The following STPG2 variants were observed in gnomAD, a reference collection of about 807,000 sequenced individuals.
STPG2 encodes the protein sperm tail PG-rich repeat containing 2.
Under a neutral mutation model 54.2 loss-of-function variants are expected in STPG2, and 56 were observed. The ratio of observed to expected loss-of-function variants is 1.03; its 90% CI spans 0.83 to 1.29. STPG2 has a LOEUF of 1.29. STPG2 is among the 50% of genes most tolerant of loss of function. The pLI is 0.00. For missense variants in STPG2, 596 were observed against 544.9 expected (o/e 1.09, Z -0.93); for synonymous variants, 200 against 181.8 (o/e 1.10, Z -0.81).
chr4:98,087,560 C>CTTTT (rs70955916), intron 5 of STPG2, among the ~76,000 whole-genome samples: 4 of 132,284 alleles, frequency 3.0e-5, no homozygotes, highest in African/African-American at 8.8e-5. Context: ...CTCTTTTTTT[C>CTTTT]TTTTTTTTTT....
At chr4:97,905,989 C>T (rs1451011192) in intron 8 of STPG2, among the ~76,000 whole-genome samples, 14 of 151,980 alleles carry the variant, frequency 9.2e-5, no homozygotes, top group South Asian at 2.1e-4. Context: ...ATTCAAAAGC[C>T]AGCAGAAGGC....
At chr4:97,706,853 G>A (rs1347826388) in intron 10 of STPG2, among the ~76,000 whole-genome samples, 2 of 152,078 alleles carry the variant, frequency 1.3e-5, no homozygotes, top group African/African-American at 2.4e-5. Context: ...AAATGGAAAC[G>A]ATGAATGTAT....
intron 5 of STPG2, among the ~76,000 whole-genome samples, chr4:97,995,971 G>A (rs965982297): frequency 1.3e-5 from 2 of 152,158 alleles, no homozygotes; most frequent in Non-Finnish European, 2.9e-5. Context: ...TCCATGCTCT[G>A]AGATAGTAAG....
At chr4:98,136,048 T>C (rs919430140) in intron 1 of STPG2, among the ~76,000 whole-genome samples, 6 of 151,674 alleles carry the variant, frequency 4.0e-5, no homozygotes, top group Non-Finnish European at 7.4e-5. Context: ...AAGGTGGAAT[T>C]AGCAGACAAG....
chr4:97,808,406 T>C (rs2149095216), intron 9 of STPG2, among the ~76,000 whole-genome samples: 1 of 152,112 alleles, frequency 6.6e-6, no homozygotes, highest in African/African-American at 2.4e-5. Context: ...AATACCTGAC[T>C]TTGATAAGTG....
At chr4:97,861,767 T>C (rs1490714844) in intron 8 of STPG2, among the ~76,000 whole-genome samples, 3 of 152,096 alleles carry the variant, frequency 2.0e-5, no homozygotes, top group Non-Finnish European at 4.4e-5. Context: ...GGCCCAATAT[T>C]CAACGTTCTT....
At chr4:97,601,114 C>G (rs1733449142) in intron 10 of STPG2, among the ~76,000 whole-genome samples, 1 of 151,966 alleles carries the variant, frequency 6.6e-6, no homozygotes, top group South Asian at 2.1e-4. Context: ...TTTCATTATT[C>G]CAATTGTTGC....
chr4:97,769,234 C>T (rs1357600469), intron 9 of STPG2, among the ~76,000 whole-genome samples: 1 of 152,078 alleles, frequency 6.6e-6, no homozygotes, highest in Non-Finnish European at 1.5e-5. Context: ...TGCACTCTTC[C>T]ACTTTTGCCA....
At chr4:97,766,443 T>TA in intron 9 of STPG2, among the ~76,000 whole-genome samples, 1 of 152,028 alleles carries the variant, frequency 6.6e-6, no homozygotes, top group East Asian at 1.9e-4. Context: ...TATTCAAAAA[T>TA]AAAAATACTA....
intron 9 of STPG2, among the ~76,000 whole-genome samples, chr4:97,730,237 A>G (rs888929582): frequency 6.6e-6 from 1 of 152,162 alleles, no homozygotes; most frequent in African/African-American, 2.4e-5. Context: ...TCCCACATAC[A>G]AGTGAGAACA....
At chr4:97,591,176 T>C (rs2148898413) in intron 10 of STPG2, among the ~76,000 whole-genome samples, 1 of 152,240 alleles carries the variant, frequency 6.6e-6, no homozygotes, top group African/African-American at 2.4e-5. Flanking sequence ...AACTGTATGA[T>C]GATAAAGAAA....
At chr4:97,925,006 T>G (rs1732281405) in intron 8 of STPG2, among the ~76,000 whole-genome samples, 1 of 152,240 alleles carries the variant, frequency 6.6e-6, no homozygotes, top group Admixed American at 6.5e-5. Flanking sequence ...TAAATGAATA[T>G]GGCACCTTCA....
chr4:97,629,312 T>C (rs1304182074), intron 10 of STPG2, among the ~76,000 whole-genome samples: 8 of 152,008 alleles, frequency 5.3e-5, no homozygotes, highest in Non-Finnish European at 1.2e-4. Context: ...AAAAAAGCAT[T>C]TACAATCAAT....
At chr4:97,991,170 TG>T (rs1486110103) in intron 5 of STPG2, among the ~76,000 whole-genome samples, 2 of 151,998 alleles carry the variant, frequency 1.3e-5, no homozygotes, top group African/African-American at 4.8e-5. Context: ...TTTCCATTCC[TG>T]GGTTACTTCA....
At chr4:97,551,524 A>T (rs1185231895) in intron 4 of STPG2, among the ~76,000 whole-genome samples, 1 of 152,184 alleles carries the variant, frequency 6.6e-6, no homozygotes, top group Non-Finnish European at 1.5e-5. Context: ...GATAGATTTT[A>T]CTTAAAACTT....
At chr4:97,731,470 G>T (rs1303508574) in intron 9 of STPG2, among the ~76,000 whole-genome samples, 1 of 152,146 alleles carries the variant, frequency 6.6e-6, no homozygotes, top group Non-Finnish European at 1.5e-5. Context: ...CCTGGGTGAG[G>T]GTTGGGAAGC....
At chr4:97,758,222 G>A (rs1725787488) in intron 9 of STPG2, among the ~76,000 whole-genome samples, 2 of 152,190 alleles carry the variant, frequency 1.3e-5, no homozygotes, top group African/African-American at 2.4e-5. Context: ...TGCAAGGAAT[G>A]TGTAAAAGAA....
chr4:97,979,256 A>G (rs1482197364), intron 6 of STPG2, among the ~76,000 whole-genome samples: 2 of 56,982 alleles, frequency 3.5e-5, no homozygotes, highest in Non-Finnish European at 8.0e-5. Flanking sequence ...TCATAGAGAA[A>G]AAAGGATGAC....
At chr4:97,694,184 T>C (rs1723480116) in intron 10 of STPG2, among the ~76,000 whole-genome samples, 1 of 151,508 alleles carries the variant, frequency 6.6e-6, no homozygotes, top group Admixed American at 6.6e-5. Context: ...TGAATGAAAC[T>C]GAAACAAACA....
Sources: allele counts gnomAD v4.1 joint callset (sites outside exome capture counted in the v4.1 genomes callset), GRCh38; gene constraint gnomAD v4.1.1; transcripts MANE v1.5; gene names NCBI Gene and HGNC (gene_info 2026-07-23, HGNC 2026-07-21).